Variants in GRIP1 observed in about 807,000 individuals in gnomAD.
The protein encoded by GRIP1 is glutamate receptor-interacting protein 1.
A neutral mutation model predicts 129.9 loss-of-function variants in GRIP1; 45 were observed. The observed-to-expected ratio is 0.35, with a 90% CI of 0.27 to 0.44. The LOEUF is 0.44. Ranked by LOEUF, GRIP1 falls within the 20% of genes least tolerant of loss-of-function variation. The pLI is 1.00. For missense variants in GRIP1, 1,196 were observed against 1,396.8 expected, an observed-to-expected ratio of 0.86 and a Z score of 2.29; for synonymous variants, 530 against 520.8, an observed-to-expected ratio of 1.02 and a Z score of -0.24.
intron 1 of GRIP1, among the ~76,000 whole-genome samples, chr12:67,002,503 T>C (rs976648668): frequency 6.6e-6 from 1 of 152,216 alleles, no homozygotes; most frequent in African/African-American, 2.4e-5. Flanking sequence ...TCTGTTATGC[T>C]AAATAGGAGA....
At chr12:66,960,581 T>C (rs1345998877) in intron 1 of GRIP1, among the ~76,000 whole-genome samples, 2 of 152,186 alleles carry the variant, frequency 1.3e-5, no homozygotes, top group African/African-American at 4.8e-5. Context: ...TAGGTCATAA[T>C]TAATTCAAAG....
At chr12:66,835,693 G>A (rs1264781876) in intron 1 of GRIP1, among the ~76,000 whole-genome samples, 2 of 152,160 alleles carry the variant, frequency 1.3e-5, no homozygotes, top group Non-Finnish European at 2.9e-5. Flanking sequence ...CATGACACTT[G>A]GAGAAAGCAA....
At chr12:66,881,387 T>C (rs1645216696) in intron 1 of GRIP1, among the ~76,000 whole-genome samples, 2 of 152,212 alleles carry the variant, frequency 1.3e-5, no homozygotes, top group South Asian at 4.1e-4. Context: ...TTGGCTCTAA[T>C]GATCTGAATG....
chr12:66,550,281 A>T (rs984724179), intron 2 of GRIP1, among the ~76,000 whole-genome samples: 6 of 152,292 alleles, frequency 3.9e-5, no homozygotes, highest in African/African-American at 1.4e-4. Flanking sequence ...AAGTAATACA[A>T]TTCTTATAAG....
At chr12:67,032,724 G>A (rs1003774863) in intron 1 of GRIP1, among the ~76,000 whole-genome samples, 1 of 152,158 alleles carries the variant, frequency 6.6e-6, no homozygotes, top group African/African-American at 2.4e-5. Flanking sequence ...GGGGGTGCAA[G>A]ATGTTGGGGA....
chr12:66,580,128 C>G (rs2139600205), intron 2 of GRIP1, among the ~76,000 whole-genome samples: 1 of 147,338 alleles, frequency 6.8e-6, no homozygotes, highest in Admixed American at 6.9e-5. Context: ...AAAGAATTTT[C>G]AACCCAGAAT....
intron 2 of GRIP1, among the ~76,000 whole-genome samples, chr12:66,592,988 C>A (rs1159815): frequency 0.68 from 104,049 of 152,084 alleles, 36,233 homozygotes; most frequent in East Asian, 0.77. Context: ...GAAAATACAT[C>A]TCCCTAATAT....
chr12:66,604,080 C>T (rs917279681), intron 1 of GRIP1, among the ~76,000 whole-genome samples: 1 of 152,150 alleles, frequency 6.6e-6, no homozygotes, highest in Admixed American at 6.5e-5. Flanking sequence ...TACAAATTTG[C>T]TTCCTTGCAT....
chr12:66,678,747 A>G, intron 1 of GRIP1, 103 bp downstream of exon 1: 2 of 1,054,050 alleles, frequency 1.9e-6, no homozygotes, highest in Non-Finnish European at 2.9e-6. Flanking sequence ...TTGCCTGACA[A>G]TAAATTGCAA....
intron 10 of GRIP1, among the ~76,000 whole-genome samples, 159 bp downstream of exon 10, chr12:66,456,028 T>G (rs1280147258): frequency 6.6e-6 from 1 of 152,042 alleles, no homozygotes; most frequent in Non-Finnish European, 1.5e-5. Flanking sequence ...AAATGCTTTC[T>G]GATGGAAAAG....
intron 23 of GRIP1, among the ~76,000 whole-genome samples, chr12:66,366,086 A>G (rs2055126848): frequency 6.6e-6 from 1 of 152,214 alleles, no homozygotes; most frequent in Admixed American, 6.5e-5. Context: ...GACAAAAACA[A>G]AAAGTTCATA....
At chr12:66,804,463 A>G (rs117141360), upstream of GRIP1, among the ~76,000 whole-genome samples, 6,068 of 152,302 alleles carry the variant, frequency 0.04, 133 homozygotes, top group Middle Eastern at 0.096. Context: ...AAAGAGAAAG[A>G]AAATGAAATG....
At chr12:66,465,567 CA>C in intron 7 of GRIP1, 145 bp from the exon 8 acceptor site, 1 of 700,782 alleles carries the variant, frequency 1.4e-6, no homozygotes, top group Non-Finnish European at 2.5e-6. Context: ...AATATCCCCA[CA>C]GCCAATAATA....
At chr12:66,367,782 T>G (rs1002947540) in intron 23 of GRIP1, among the ~76,000 whole-genome samples, 5 of 152,196 alleles carry the variant, frequency 3.3e-5, no homozygotes, top group Admixed American at 3.3e-4. Flanking sequence ...CTGAGAAAGT[T>G]GGAGAAACAG....
intron 1 of GRIP1, among the ~76,000 whole-genome samples, chr12:66,777,422 T>G (rs1022601130): frequency 2.3e-4 from 35 of 152,304 alleles, no homozygotes; most frequent in Admixed American, 2.2e-3. Flanking sequence ...TGAGGTCTAC[T>G]CTGAGCACCC....
chr12:66,677,812 T>C (rs1449255335), intron 1 of GRIP1, among the ~76,000 whole-genome samples: 1 of 152,180 alleles, frequency 6.6e-6, no homozygotes, highest in Non-Finnish European at 1.5e-5. Flanking sequence ...GCTGCACTGC[T>C]GGTGATCAAA....
intron 14 of GRIP1, among the ~76,000 whole-genome samples, chr12:66,428,641 A>G (rs1317405495): frequency 6.6e-6 from 1 of 152,160 alleles, no homozygotes; most frequent in East Asian, 1.9e-4. Flanking sequence ...TTCACTTTTT[A>G]TTAGCCCCTG....
chr12:67,030,411 T>C (rs1376170516), intron 1 of GRIP1, among the ~76,000 whole-genome samples: 3 of 151,948 alleles, frequency 2.0e-5, no homozygotes, highest in African/African-American at 7.3e-5. Context: ...GAAGCACCCA[T>C]CTCTCTGCGG....
rs571260424 is a variant in GRIP1 at position 67,033,273 on chromosome 12, A to ATG, written c.58+35776_58+35777insCA. ...AGACCTGGGATCAAAGACTACATGT[A>ATG]TATATATATATATATATATAAAGAC... On this transcript the variant is annotated intron_variant, in intron 1 of 1. Transcript: ENST00000643019. Among the ~76,000 whole-genome samples, 630 of 75,132 alleles carry ATG rather than the reference A, an allele frequency of 8.4e-3. 7 individuals are homozygous for ATG. Among genetic ancestry groups the ATG allele is most frequent in the African/African-American group, 0.027 (587 of 21,682 alleles). 49.3% of individuals were successfully genotyped at this position (75,132 alleles called of 152,430 possible). A position where few individuals can be genotyped will look rare whatever the true frequency, so the allele number is the denominator to read the frequency against.
Sources: allele counts gnomAD v4.1 joint callset (sites outside exome capture counted in the v4.1 genomes callset), GRCh38; gene constraint gnomAD v4.1.1; transcripts MANE v1.5; gene names NCBI Gene and HGNC (gene_info 2026-07-23, HGNC 2026-07-21).